Variants in SAMD8 observed in about 807,000 individuals in gnomAD.
SAMD8 encodes sphingomyelin synthase-related protein 1.
A neutral mutation model predicts 42.0 loss-of-function variants in SAMD8; 20 were observed. That is an observed-to-expected ratio of 0.48 (90% CI 0.34 to 0.69). SAMD8 has a LOEUF of 0.69. SAMD8 is among the 30% of genes least tolerant of loss of function. The pLI, the probability that SAMD8 is intolerant of heterozygous loss-of-function variation, is 0.01. For synonymous variants in SAMD8, 162 were observed against 173.0 expected (o/e 0.94, Z 0.50); for missense variants, 328 against 511.6 (o/e 0.64, Z 3.46).
At chr10:75,162,355 T>A (rs915168082) in intron 2 of SAMD8, among the ~76,000 whole-genome samples, 1 of 146,816 alleles carries the variant, frequency 6.8e-6, no homozygotes, top group African/African-American at 2.5e-5. Context: ...CGAGACTGTG[T>A]TTCAAAAAAG....
At position 75,157,898 on chromosome 10, in the gene SAMD8, G is replaced by A. The variant is rs1411973640; in HGVS notation, c.579-6747G>A. Among the ~76,000 whole-genome samples, 6 of 152,234 alleles carry A rather than the reference G, an allele frequency of 3.9e-5. No homozygotes were observed. In the East Asian group the frequency reaches 5.8e-4, roughly 15 times the overall value. ...AGTAAGGCCGGGCGCGGTGTCTCAC[G>A]CCTATAATCCCAGCACTTTGGGAGG... On this transcript the variant is annotated intron_variant, in intron 2 of 5. Coordinates refer to ENST00000542569, the MANE Select transcript of SAMD8 (RefSeq NM_001174156.2).
intron 2 of SAMD8, among the ~76,000 whole-genome samples, chr10:75,153,036 C>A (rs1315901912): frequency 6.6e-6 from 1 of 152,012 alleles, no homozygotes; most frequent in African/African-American, 2.4e-5. Flanking sequence ...GGCTGCAGTA[C>A]AATGGCACGA....
In SAMD8 at chr10:75,177,841, T is replaced by C. The variant is rs1841017387; in HGVS notation, c.*1149T>C. ...ATAACTTAGCTGCTATTTACAACAC[T>C]AGAAATTTAGTACTTTAAGTAATTT... On this transcript the variant is annotated 3_prime_UTR_variant, in exon 6 of 6. Coordinates refer to ENST00000542569, the MANE Select transcript of SAMD8 (RefSeq NM_001174156.2). The C allele has an allele frequency of 6.6e-6, 1 of 152,246 alleles. No homozygotes were observed. Among genetic ancestry groups the C allele is most frequent in the African/African-American group, 2.4e-5 (1 of 41,468 alleles). 9.4% of individuals were successfully genotyped at this position (152,246 alleles called of 1,614,324 possible).
In SAMD8 at chr10:75,104,188, TA is replaced by T. The variant is rs147136302; in HGVS notation, c.-16+4463del. ...TGGGGCAGGGATAAGAGCTGTCACC[TA>T]AACCTGCTTCTGCCTTGAGCCCTGT... On this transcript the variant is annotated intron_variant, in intron 1 of 3. Coordinates refer to the SAMD8 transcript ENST00000447533. The T allele has an allele frequency of 1.4e-3, 1,247 of 899,582 alleles. 2 individuals are homozygous for T. Among genetic ancestry groups the T allele is most frequent in the Non-Finnish European group, 1.8e-3 (1,187 of 649,496 alleles). 55.7% of individuals were successfully genotyped at this position (899,582 alleles called of 1,614,324 possible).
intron 1 of SAMD8, among the ~76,000 whole-genome samples, chr10:75,149,635 T>C (rs1338213312): frequency 1.3e-5 from 2 of 152,216 alleles, no homozygotes; most frequent in African/African-American, 2.4e-5. Context: ...ATTACAGTTA[T>C]CTACTTTCCT....
intron 1 of SAMD8, chr10:75,105,592 T>A (rs1848442299): frequency 2.2e-6 from 3 of 1,394,690 alleles, no homozygotes; most frequent in East Asian, 2.5e-5. Flanking sequence ...CAATCCTATG[T>A]CTGCAGCCTA....
intron 2 of SAMD8, among the ~76,000 whole-genome samples, chr10:75,158,761 C>T (rs901715240): frequency 3.3e-5 from 5 of 152,182 alleles, no homozygotes; most frequent in African/African-American, 1.2e-4. Context: ...AACCACTAAT[C>T]TACTTTGTTT....
rs187907451 is a variant in SAMD8, at chr10:75,178,585, C to T, written c.*1893C>T. On this transcript the variant is annotated 3_prime_UTR_variant, in exon 6 of 6. Transcript: ENST00000542569. ...CAACATTAATGCTAAAATGTTAAGCCGAGTGCAGTGGTGCAAGGCTATAGT... is the reference window on the plus strand; with the variant it reads ...CAACATTAATGCTAAAATGTTAAGCTGAGTGCAGTGGTGCAAGGCTATAGT... 8.5e-5 allele frequency: 13 copies of T among 152,262 alleles called. No individual in the cohort carries two copies. The highest frequency in any genetic ancestry group is 6.2e-4 in the South Asian group (3 of 4,832). The allele number at this position is 152,262 out of a possible 1,614,324, so 9.4% of individuals were successfully genotyped here.
chr10:75,140,098 T>C (rs1839979720), intron 1 of SAMD8, among the ~76,000 whole-genome samples: 1 of 152,244 alleles, frequency 6.6e-6, no homozygotes, highest in Non-Finnish European at 1.5e-5. Context: ...CAGATATCTA[T>C]ATATGTATAG....
chr10:75,151,130 A>G lies in SAMD8; in HGVS notation c.578+24A>G, dbSNP rs748982599. ...AGGTAAGTTTTGTTTCTAGTTGCTAAGTTTGTAGGATGTTGCTATAATTAA... is the reference window on the plus strand; with the variant it reads ...AGGTAAGTTTTGTTTCTAGTTGCTAGGTTTGTAGGATGTTGCTATAATTAA... On this transcript the variant is annotated intron_variant, in intron 2 of 5. Transcript: ENST00000542569. The G allele has an allele frequency of 3.9e-6, 5 of 1,283,354 alleles. No homozygotes were observed. The African/African-American group carries it at 6.0e-5, about 15-fold the overall frequency. 79.5% of individuals were successfully genotyped at this position (1,283,354 alleles called of 1,614,324 possible).
intron 1 of SAMD8, among the ~76,000 whole-genome samples, chr10:75,112,046 C>G (rs1337212721): frequency 6.6e-6 from 1 of 152,088 alleles, no homozygotes. Context: ...GAAGGTCCTG[C>G]GGGAATGTGG....
chr10:75,158,175 AAAG>A (rs921026271), intron 2 of SAMD8, among the ~76,000 whole-genome samples: 1 of 151,944 alleles, frequency 6.6e-6, no homozygotes, highest in Non-Finnish European at 1.5e-5. Context: ...AAAAAGAAAA[AAAG>A]AAGGAAGTAA....
intron 3 of SAMD8, among the ~76,000 whole-genome samples, chr10:75,165,789 A>G (rs1383789031): frequency 6.6e-6 from 1 of 151,240 alleles, no homozygotes; most frequent in African/African-American, 2.4e-5. Flanking sequence ...CAGCCTGGGA[A>G]ACATGAGGAG....
At chr10:75,103,245 G>A (rs2134371618) in intron 1 of SAMD8, among the ~76,000 whole-genome samples, 1 of 152,338 alleles carries the variant, frequency 6.6e-6, no homozygotes, top group South Asian at 2.1e-4. Context: ...CCAACAGCAG[G>A]ACCCAGGTCC....
At chr10:75,152,454 G>A (rs1332218968) in intron 2 of SAMD8, among the ~76,000 whole-genome samples, 1 of 148,788 alleles carries the variant, frequency 6.7e-6, no homozygotes, top group South Asian at 2.1e-4. Context: ...CCCGGGAGGC[G>A]GAGCTTGCAG....
rs1326850195 is a variant in SAMD8, at chr10:75,176,931, CTT to C, written c.*240_*241del. ...TTTCTGCCCCTTCTCTTTAGGAAGA[CTT>C]AATGTTGTGATTGAAGTCAGGCTGT... On this transcript the variant is annotated 3_prime_UTR_variant, in exon 6 of 6. Coordinates refer to ENST00000542569, the MANE Select transcript of SAMD8 (RefSeq NM_001174156.2). The surrounding 1 kb of genome is among the most constrained non-coding windows in gnomAD (Gnocchi z 4.3). 8.2e-5 allele frequency: 35 copies of C among 427,282 alleles called. No homozygotes were observed. The highest frequency in any genetic ancestry group is 6.4e-4 in the African/African-American group (32 of 49,722). 26.5% of individuals were successfully genotyped at this position (427,282 alleles called of 1,614,324 possible).
intron 1 of SAMD8, chr10:75,105,924 C>T (rs1487484061): frequency 1.3e-6 from 2 of 1,506,356 alleles, no homozygotes; most frequent in Non-Finnish European, 1.8e-6. Flanking sequence ...CACCCACGGG[C>T]TGGGATGGGG....
At chr10:75,165,419 C>G (rs1422312416) in intron 3 of SAMD8, among the ~76,000 whole-genome samples, 7 of 151,892 alleles carry the variant, frequency 4.6e-5, no homozygotes, top group Non-Finnish European at 1.5e-5. Context: ...GCCTGTAATC[C>G]CAGCACTTTG....
intron 2 of SAMD8, among the ~76,000 whole-genome samples, chr10:75,158,141 A>C (rs1266283840): frequency 6.6e-6 from 1 of 151,852 alleles, no homozygotes; most frequent in Non-Finnish European, 1.5e-5. Flanking sequence ...CCTGGGCAAC[A>C]AGAGCAAAAC....
Sources: gnomAD v4.1 joint callset for allele counts (sites outside exome capture counted in the v4.1 genomes callset) on GRCh38, gnomAD v4.1.1 for gene constraint, Gnocchi (gnomAD v3.1) non-coding constraint, MANE v1.5 for transcripts, NCBI Gene and HGNC (gene_info 2026-07-23, HGNC 2026-07-21) for gene names.